Variants in KSR1 observed in about 807,000 individuals in gnomAD.
The protein encoded by KSR1 is kinase suppressor of ras 1.
A neutral mutation model predicts 92.9 loss-of-function variants in KSR1; 35 were observed. The observed-to-expected ratio is 0.38, with a 90% confidence interval of 0.29 to 0.50. The LOEUF (loss-of-function observed/expected upper bound fraction) is 0.50, where lower values mean the gene tolerates loss of function less well. Ranked by LOEUF, KSR1 falls within the 20% of genes least tolerant of loss-of-function variation. The pLI is 0.94. For synonymous variants in KSR1, 467 were observed against 472.6 expected (o/e 0.99, Z 0.15); for missense variants, 972 against 1,158.5 (o/e 0.84, Z 2.34).
At chr17:27,477,910 A>G (rs538849251) in intron 1 of KSR1, among the ~76,000 whole-genome samples, 12 of 152,054 alleles carry the variant, frequency 7.9e-5, no homozygotes, top group Non-Finnish European at 1.6e-4. Flanking sequence ...ATGAGGTCTC[A>G]CTATGTTGCC....
At chr17:27,500,363 G>A (rs1377983079) in intron 1 of KSR1, among the ~76,000 whole-genome samples, 2 of 152,176 alleles carry the variant, frequency 1.3e-5, no homozygotes, top group East Asian at 3.9e-4. Flanking sequence ...AGGGGTAGCT[G>A]TGCAAGTACT....
At chr17:27,569,474 G>A (rs189697080) in intron 2 of KSR1, among the ~76,000 whole-genome samples, 1 of 152,368 alleles carries the variant, frequency 6.6e-6, no homozygotes, top group East Asian at 1.9e-4. Flanking sequence ...AGGGCCACCA[G>A]CAGGTGGAGC....
chr17:27,623,509 C>T lies in KSR1; in HGVS notation c.*117C>T. ...TGCCCAGCGCTGCAAACCAGGAGCA[C>T]ACGTCCTAGATTCAGACTGTTGGCC... is the stretch of plus-strand genomic sequence containing the variant. On this transcript the variant is annotated 3_prime_UTR_variant, in exon 21 of 21. Transcript: ENST00000644974. 1 of 694,142 alleles carries T rather than the reference C, an allele frequency of 1.4e-6. No homozygotes were observed. The highest frequency in any genetic ancestry group is 2.6e-6 in the Non-Finnish European group (1 of 382,862). 43.0% of individuals were successfully genotyped at this position (694,142 alleles called of 1,614,324 possible).
intron 6 of KSR1, among the ~76,000 whole-genome samples, chr17:27,590,267 T>C (rs1376971284): frequency 6.6e-6 from 1 of 152,236 alleles, no homozygotes; most frequent in Non-Finnish European, 1.5e-5. Flanking sequence ...GTACCTTACT[T>C]TTTTAACTTG....
intron 1 of KSR1, among the ~76,000 whole-genome samples, chr17:27,522,179 T>G (rs1459580248): frequency 6.6e-6 from 1 of 152,102 alleles, no homozygotes. Context: ...TCTGAGCCCC[T>G]GGGTTAAGTG....
At chr17:27,521,480 T>A (rs1317574513) in intron 1 of KSR1, among the ~76,000 whole-genome samples, 1 of 151,192 alleles carries the variant, frequency 6.6e-6, no homozygotes, top group African/African-American at 2.4e-5. Context: ...TCTAGCTCCA[T>A]TGCCCACGTT....
chr17:27,537,548 G>C (rs951113775), intron 1 of KSR1, among the ~76,000 whole-genome samples: 7 of 152,122 alleles, frequency 4.6e-5, no homozygotes, highest in African/African-American at 9.7e-5. Context: ...AAATTTAGCT[G>C]AGCGTGGTGG....
At chr17:27,592,492 G>A (rs762285224) in intron 8 of KSR1, 28 bp from the exon 9 acceptor site, 4 of 1,613,386 alleles carry the variant, frequency 2.5e-6, no homozygotes, top group South Asian at 1.1e-5. Context: ...CTGTTCCCTG[G>A]TGATGGGTTT....
chr17:27,486,591 G>A (rs2068672202), intron 1 of KSR1, among the ~76,000 whole-genome samples: 1 of 152,224 alleles, frequency 6.6e-6, no homozygotes, highest in Non-Finnish European at 1.5e-5. Flanking sequence ...CAGGCTGGAG[G>A]CAGCAGCCCC....
At chr17:27,583,227 GC>G in intron 4 of KSR1, 122 bp downstream of exon 4, 1 of 676,384 alleles carries the variant, frequency 1.5e-6, no homozygotes, top group African/African-American at 1.8e-5. Context: ...AGTAAAAGGT[GC>G]CCCCATCTTT....
At chr17:27,554,540 G>A (rs1412851688) in intron 2 of KSR1, among the ~76,000 whole-genome samples, 2 of 152,240 alleles carry the variant, frequency 1.3e-5, no homozygotes, top group Admixed American at 6.5e-5. Flanking sequence ...TCTAGGTTAT[G>A]TGCTCCTTGT....
rs773059086 is a variant in KSR1, at chr17:27,577,040, GTTTTTT to G, written c.373-450_373-445del. Among the ~76,000 whole-genome samples the G allele has an allele frequency of 1.0e-5, 1 of 100,186 alleles. No homozygotes were observed. Among genetic ancestry groups the G allele is most frequent in the Non-Finnish European group, 2.3e-5 (1 of 43,288 alleles). 65.7% of individuals were successfully genotyped at this position (100,186 alleles called of 152,430 possible). A position where few individuals can be genotyped will look rare whatever the true frequency, so the allele number is the denominator to read the frequency against. The stretch of plus-strand genomic sequence containing the variant: ...AAGTGCCTCTGCAGTGTTTGGTGAG[GTTTTTT>G]TGTTTTTTTTTTTTAAATCCTTCCT... On this transcript the variant is annotated intron_variant, in intron 2 of 20. Coordinates refer to ENST00000644974, the MANE Select transcript of KSR1 (RefSeq NM_001394583.1). The surrounding 1 kb of genome is among the most constrained non-coding windows in gnomAD (Gnocchi z 4.5).
chr17:27,492,460 A>G (rs1226045007), intron 1 of KSR1, among the ~76,000 whole-genome samples: 1 of 152,202 alleles, frequency 6.6e-6, no homozygotes, highest in African/African-American at 2.4e-5. Context: ...TCGAGAGTCA[A>G]TAGACCTGAG....
At chr17:27,463,307 C>G (rs149145739) in intron 1 of KSR1, among the ~76,000 whole-genome samples, 58 of 151,988 alleles carry the variant, frequency 3.8e-4, no homozygotes, top group Non-Finnish European at 6.6e-4. Context: ...TCTAGGAGTT[C>G]GAAACCAGCC....
intron 1 of KSR1, among the ~76,000 whole-genome samples, chr17:27,497,447 C>T (rs1005959361): frequency 1.3e-5 from 2 of 152,230 alleles, no homozygotes; most frequent in Non-Finnish European, 2.9e-5. Context: ...AAGAAGATGT[C>T]TCCTTACAGC....
intron 1 of KSR1, among the ~76,000 whole-genome samples, chr17:27,498,651 G>A (rs530113614): frequency 2.6e-5 from 4 of 152,154 alleles, no homozygotes; most frequent in Non-Finnish European, 5.9e-5. Flanking sequence ...GTTTGAGATC[G>A]TGGCCCAGGT....
intron 2 of KSR1, among the ~76,000 whole-genome samples, chr17:27,573,637 A>C (rs2072393467): frequency 6.6e-6 from 1 of 152,236 alleles, no homozygotes; most frequent in Admixed American, 6.5e-5. Flanking sequence ...TTACTTCGAA[A>C]AAAATAATTT....
intron 1 of KSR1, among the ~76,000 whole-genome samples, chr17:27,548,109 G>A (rs895943647): frequency 2.0e-5 from 3 of 151,162 alleles, no homozygotes; most frequent in African/African-American, 7.3e-5. Context: ...TCAAAGTATT[G>A]TTCTGTCCAG....
At position 27,548,683 on chromosome 17, in the gene KSR1, A is replaced by T. The variant is rs118180621; in HGVS notation, c.232-1885A>T. Among the ~76,000 whole-genome samples, 1,437 of 152,340 alleles carry T rather than the reference A, an allele frequency of 9.4e-3. 10 individuals carry two copies. The highest frequency in any genetic ancestry group is 0.015 in the Non-Finnish European group (1,006 of 68,030). On this transcript the variant is annotated intron_variant, in intron 1 of 20. Coordinates refer to ENST00000644974, the MANE Select transcript of KSR1 (RefSeq NM_001394583.1). ...CGTCTCTACTAAAAATACAAAAATT[A>T]GCCCTTTATGGTGGCATGCGCCTAT...
Sources: allele counts gnomAD v4.1 joint callset (sites outside exome capture counted in the v4.1 genomes callset), GRCh38; gene constraint gnomAD v4.1.1; non-coding constraint Gnocchi (gnomAD v3.1); transcripts MANE v1.5; gene names NCBI Gene and HGNC (gene_info 2026-07-23, HGNC 2026-07-21).